Variants in AUTS2 observed in about 807,000 individuals in gnomAD.
AUTS2 encodes the protein activator of transcription and developmental regulator AUTS2, also known as autism susceptibility gene 2 protein.
Under a neutral mutation model 112.4 loss-of-function variants are expected in AUTS2, and 17 were observed. That is an observed-to-expected ratio of 0.15 (90% CI 0.10 to 0.23). The LOEUF is 0.23. Among genes scored for constraint, AUTS2 ranks in the 10% least tolerant of loss-of-function variants. The pLI, the probability that AUTS2 is intolerant of heterozygous loss-of-function variation, is 1.00. For synonymous variants in AUTS2, 751 were observed against 702.7 expected, an observed-to-expected ratio of 1.07 and a Z score of -1.09; for missense variants, 1,510 against 1,701.6, an observed-to-expected ratio of 0.89 and a Z score of 1.98.
intron 2 of AUTS2, among the ~76,000 whole-genome samples, chr7:70,093,317 A>G (rs771828124): frequency 2.6e-5 from 4 of 152,198 alleles, no homozygotes; most frequent in Non-Finnish European, 5.9e-5. Flanking sequence ...TGCTGCCTCC[A>G]TTCATCGTGG....
At chr7:69,974,268 C>T (rs1030906760) in intron 2 of AUTS2, among the ~76,000 whole-genome samples, 3 of 149,498 alleles carry the variant, frequency 2.0e-5, no homozygotes, top group Non-Finnish European at 1.5e-5. Context: ...TAGTTATATT[C>T]CTTGTTTCAT....
intron 4 of AUTS2, among the ~76,000 whole-genome samples, chr7:70,189,837 T>C (rs778706557): frequency 2.6e-5 from 4 of 152,184 alleles, no homozygotes; most frequent in Non-Finnish European, 5.9e-5. Context: ...TCCAGCTACA[T>C]TGACTATCGT....
chr7:69,719,821 G>A (rs1798821788), intron 1 of AUTS2, among the ~76,000 whole-genome samples: 1 of 152,190 alleles, frequency 6.6e-6, no homozygotes, highest in Admixed American at 6.5e-5. Flanking sequence ...ATCATAGGGG[G>A]AAGGAATATG....
chr7:69,688,972 A>G (rs1562812013), intron 1 of AUTS2, among the ~76,000 whole-genome samples: 1 of 152,208 alleles, frequency 6.6e-6, no homozygotes, highest in African/African-American at 2.4e-5. Flanking sequence ...TTACATATAG[A>G]TAATTTGATT....
At chr7:70,273,508 A>G (rs1436612220) in intron 4 of AUTS2, among the ~76,000 whole-genome samples, 3 of 151,938 alleles carry the variant, frequency 2.0e-5, no homozygotes, top group African/African-American at 4.8e-5. Flanking sequence ...CTGGCATTCT[A>G]TAACTTAGAA....
In AUTS2 at chr7:69,643,831, C is replaced by T. The variant is rs1794904486; in HGVS notation, c.309+43869C>T. Among the ~76,000 whole-genome samples, 3 of 152,196 alleles carry T rather than the reference C, an allele frequency of 2.0e-5. 1 individual carries two copies. The South Asian group carries it at 6.2e-4, about 32-fold the overall frequency. On this transcript the variant is annotated intron_variant, in intron 1 of 18. Coordinates refer to ENST00000342771, the MANE Select transcript of AUTS2 (RefSeq NM_015570.4). ...ACCTCCAATGTGATGGTAGTCCCAG[C>T]TACCAGAGAGGCTGAGGTGAGAAGA... is the stretch of plus-strand genomic sequence containing the variant.
chr7:70,132,695 C>T (rs773518736), intron 3 of AUTS2, among the ~76,000 whole-genome samples: 3 of 152,026 alleles, frequency 2.0e-5, no homozygotes, highest in South Asian at 2.1e-4. Flanking sequence ...ATATGCAAAA[C>T]GAGCATAACA....
At chr7:69,751,952 G>T (rs1787755597) in intron 1 of AUTS2, among the ~76,000 whole-genome samples, 1 of 152,108 alleles carries the variant, frequency 6.6e-6, no homozygotes, top group African/African-American at 2.4e-5. Context: ...TTATAATAGT[G>T]CCCAATACAC....
intron 5 of AUTS2, among the ~76,000 whole-genome samples, chr7:70,514,399 T>A (rs911693923): frequency 6.6e-6 from 1 of 152,224 alleles, no homozygotes; most frequent in African/African-American, 2.4e-5. Context: ...CAGCATATGC[T>A]TGGCTTCTGG....
chr7:70,228,105 A>G (rs1357365251), intron 4 of AUTS2, among the ~76,000 whole-genome samples: 1 of 150,270 alleles, frequency 6.7e-6, no homozygotes, highest in African/African-American at 2.4e-5. Context: ...GTAGTTAGGT[A>G]TATCCATGTA....
At chr7:70,556,055 C>T (rs1801235832) in intron 5 of AUTS2, among the ~76,000 whole-genome samples, 1 of 152,178 alleles carries the variant, frequency 6.6e-6, no homozygotes, top group South Asian at 2.1e-4. Flanking sequence ...ATCCGCCTGC[C>T]TTGGCCTCCC....
chr7:69,934,879 C>T lies in AUTS2; in HGVS notation c.522+35381C>T, dbSNP rs151081929. Reference sequence around the variant, plus strand: ...CTTGCCAGGGCCCCAAACTGATGTGCGTGTGTACCTGTGGAAAGGTAACAG... The same window carrying T: ...CTTGCCAGGGCCCCAAACTGATGTGTGTGTGTACCTGTGGAAAGGTAACAG... On this transcript the variant is annotated intron_variant, in intron 2 of 18. Transcript: ENST00000342771. Among the ~76,000 whole-genome samples the T allele has an allele frequency of 4.2e-4, 64 of 152,254 alleles. No homozygotes were observed. The East Asian group carries it at 0.012, about 28-fold the overall frequency.
At chr7:70,213,381 C>T (rs1418487547) in intron 4 of AUTS2, among the ~76,000 whole-genome samples, 3 of 141,920 alleles carry the variant, frequency 2.1e-5, no homozygotes, top group Non-Finnish European at 3.1e-5. Context: ...AAAAAAAAAG[C>T]CAAGTGCAGC....
intron 4 of AUTS2, among the ~76,000 whole-genome samples, chr7:70,329,801 A>G (rs2129619343): frequency 6.6e-6 from 1 of 152,068 alleles, no homozygotes; most frequent in East Asian, 1.9e-4. Context: ...GTTGTAACAA[A>G]CTACTTGACA....
chr7:69,796,523 CA>C (rs57474916), intron 1 of AUTS2, among the ~76,000 whole-genome samples: 53,660 of 125,978 alleles, frequency 0.43, 9,823 homozygotes, highest in African/African-American at 0.5. Context: ...ACTCTGTTTC[CA>C]AAAAAAAAAA....
chr7:70,262,126 T>C (rs1303267587), intron 4 of AUTS2, among the ~76,000 whole-genome samples: 4 of 152,240 alleles, frequency 2.6e-5, no homozygotes, highest in East Asian at 3.8e-4. Context: ...ATTAGCATTC[T>C]ATGGCTATTG....
At chr7:70,137,380 T>C (rs1806621807) in intron 4 of AUTS2, among the ~76,000 whole-genome samples, 1 of 151,824 alleles carries the variant, frequency 6.6e-6, no homozygotes, top group Non-Finnish European at 1.5e-5. Context: ...AATGAAAGTA[T>C]AGACTAGTTG....
chr7:70,700,326 T>C (rs1190353584), intron 6 of AUTS2, among the ~76,000 whole-genome samples: 2 of 152,236 alleles, frequency 1.3e-5, no homozygotes, highest in East Asian at 3.9e-4. Context: ...TTAAGGTTTC[T>C]TTGTGTACAC....
intron 2 of AUTS2, among the ~76,000 whole-genome samples, chr7:69,955,095 C>T (rs1797165074): frequency 6.6e-6 from 1 of 152,176 alleles, no homozygotes; most frequent in South Asian, 2.1e-4. Flanking sequence ...ATAATGAAAG[C>T]TGTGCTGTAG....
Sources: allele counts gnomAD v4.1 joint callset (sites outside exome capture counted in the v4.1 genomes callset), GRCh38; gene constraint gnomAD v4.1.1; transcripts MANE v1.5; gene names NCBI Gene and HGNC (gene_info 2026-07-23, HGNC 2026-07-21).